ZNF516: variants seen among roughly 807,000 people sequenced by gnomAD.
The protein encoded by ZNF516 is zinc finger protein 516.
ZNF516 carries 19 observed loss-of-function variants against 79.7 expected under a neutral mutation model. The observed-to-expected ratio is 0.24, with a 90% CI of 0.17 to 0.35. The LOEUF (loss-of-function observed/expected upper bound fraction) is 0.35, where lower values mean the gene tolerates loss of function less well. Ranked by LOEUF, ZNF516 falls within the 10% of genes least tolerant of loss-of-function variation. ZNF516 has a pLI of 1.00. For missense variants in ZNF516, 1,678 were observed against 1,679.5 expected (o/e 1.00, Z 0.02); for synonymous variants, 877 against 739.5 (o/e 1.19, Z -3.02).
chr18:76,462,513 G>A lies in ZNF516; in HGVS notation c.-158+515C>T, dbSNP rs1220418373. Among the ~76,000 whole-genome samples, 4 of 152,214 alleles carry A rather than the reference G, an allele frequency of 2.6e-5. No homozygotes were observed. The East Asian group carries it at 5.8e-4, about 22-fold the overall frequency. ...AACCGAAACCTGCCCCCGTGCGGAC[G>A]CAGATGAAGCCTGCACCACACAATT... On this transcript the variant is annotated intron_variant, in intron 2 of 6. Coordinates refer to ENST00000443185, the MANE Select transcript of ZNF516 (RefSeq NM_014643.4).
At chr18:76,404,802 T>A (rs1280260123) in intron 3 of ZNF516, among the ~76,000 whole-genome samples, 1 of 151,858 alleles carries the variant, frequency 6.6e-6, no homozygotes, top group African/African-American at 2.4e-5. Flanking sequence ...TATGTGTGCA[T>A]GTTAGCATGT....
chr18:76,397,065 G>A (rs540325498), intron 3 of ZNF516, among the ~76,000 whole-genome samples: 12 of 152,190 alleles, frequency 7.9e-5, no homozygotes, highest in Non-Finnish European at 1.6e-4. Flanking sequence ...AAAGCCGGGG[G>A]ACACATAATT....
At chr18:76,383,837 C>T (rs2074934659) in intron 3 of ZNF516, among the ~76,000 whole-genome samples, 2 of 152,234 alleles carry the variant, frequency 1.3e-5, no homozygotes, top group Non-Finnish European at 2.9e-5. Context: ...CAGACGGCTT[C>T]GCCCCTCGTC....
At chr18:76,370,469 G>C in intron 6 of ZNF516, 59 bp downstream of exon 6, 1 of 1,471,066 alleles carries the variant, frequency 6.8e-7, no homozygotes, top group Non-Finnish European at 9.3e-7. Flanking sequence ...GAGCATCATG[G>C]TGCACCTTTC....
At chr18:76,381,586 A>T (rs1461537371) in intron 3 of ZNF516, among the ~76,000 whole-genome samples, 1 of 152,234 alleles carries the variant, frequency 6.6e-6, no homozygotes, top group Non-Finnish European at 1.5e-5. Flanking sequence ...TAACAAATCC[A>T]TTCCAAGGGG....
chr18:76,488,540 G>GAGGGAC (rs1914970372), intron 1 of ZNF516, among the ~76,000 whole-genome samples: 2 of 142,256 alleles, frequency 1.4e-5, no homozygotes, highest in South Asian at 4.8e-4. Context: ...GGGGGAGGGG[G>GAGGGAC]AGGGACAGCA....
rs540797014 is a variant in ZNF516 at position 76,370,841 on chromosome 18, GGTGT to G, written c.3365-250_3365-247del. 4.6e-5 allele frequency among the ~76,000 whole-genome samples: 7 copies of G among 152,120 alleles called. No individual in the cohort carries two copies. The East Asian group carries it at 1.3e-3, about 29-fold the overall frequency. ...GCAATCACTGACAACATTAATTATC[GGTGT>G]GTGTGTAAGGGACCCTCTTCTTGCA... On this transcript the variant is annotated intron_variant, in intron 5 of 6. Transcript: ENST00000443185.
chr18:76,371,370 T>G, intron 5 of ZNF516, 97 bp downstream of exon 5: 1 of 1,263,202 alleles, frequency 7.9e-7, no homozygotes, highest in Non-Finnish European at 1.1e-6. Flanking sequence ...GGGGCTGAAA[T>G]CTCAGTATCT....
chr18:76,444,759 G>A (rs1374197870), intron 2 of ZNF516, among the ~76,000 whole-genome samples: 1 of 152,228 alleles, frequency 6.6e-6, no homozygotes, highest in Non-Finnish European at 1.5e-5. Flanking sequence ...GGGGGTCGGG[G>A]ATTCTGAGCA....
chr18:76,450,147 G>C (rs11874070), intron 2 of ZNF516, among the ~76,000 whole-genome samples: 3,875 of 123,514 alleles, frequency 0.031, 192 homozygotes, highest in African/African-American at 0.11. Context: ...CGGAGAGAAG[G>C]CAAATGTACC....
At chr18:76,374,871 C>T (rs11663552) in intron 4 of ZNF516, among the ~76,000 whole-genome samples, 22,908 of 152,144 alleles carry the variant, frequency 0.15, 1,987 homozygotes, top group Non-Finnish European at 0.2. Flanking sequence ...GACCAGAAAG[C>T]AGAGATACAC....
intron 1 of ZNF516, among the ~76,000 whole-genome samples, chr18:76,484,201 C>T (rs554166434): frequency 7.2e-5 from 11 of 152,208 alleles, no homozygotes; most frequent in Admixed American, 6.5e-5. Flanking sequence ...AATCAGGACG[C>T]CTGGATTTGA....
Position 76,442,529 on chromosome 18 carries a change from A to G in ZNF516, c.526T>C (p.Cys176Arg). 1.2e-6 allele frequency: 2 copies of G among 1,600,318 alleles called. No individual in the cohort carries two copies. The highest frequency in any genetic ancestry group is 1.7e-6 in the Non-Finnish European group (2 of 1,179,530). ...TCGAACTGGCTCTTGCAGAAGGAGC[A>G]CTGGACCGCTGCCTTGGCCTCCCCC... The part of the protein sequence containing the change: ...APGEAKAAVQ[C>R]SFCKSQFERK... The change falls in exon 3 of 7, where the codon TGC becomes CGC. Residue 176 changes from cysteine to arginine, a missense_variant. Transcript: ENST00000443185.
In ZNF516 at chr18:76,434,458, A is replaced by G. The variant is rs147948506; in HGVS notation, c.1810+6787T>C. ...AAAAGGCTGAAAACTGTTCCATCCA[A>G]TAAGAATCTGTAAACGCATCCACTG... On this transcript the variant is annotated intron_variant, in intron 3 of 6. Coordinates refer to ENST00000443185, the MANE Select transcript of ZNF516 (RefSeq NM_014643.4). Among the ~76,000 whole-genome samples the G allele has an allele frequency of 1.8e-3, 268 of 152,350 alleles. 3 individuals carry two copies. The highest frequency in any genetic ancestry group is 5.6e-3 in the African/African-American group (234 of 41,584).
intron 3 of ZNF516, among the ~76,000 whole-genome samples, chr18:76,410,723 G>A (rs191893305): frequency 2.0e-5 from 3 of 152,282 alleles, no homozygotes; most frequent in Admixed American, 1.3e-4. Context: ...CTTGAGAGTC[G>A]GCTGGAGGAG....
rs373540251 is a variant in ZNF516 at position 76,360,646 on chromosome 18, A to AAAATATATAT, written c.*1851_*1852insATATATATTT. On this transcript the variant is annotated 3_prime_UTR_variant, in exon 7 of 7. Coordinates refer to ENST00000443185, the MANE Select transcript of ZNF516 (RefSeq NM_014643.4). ...AAAAAAATAAGTAAAAAAAAAAAAA[A>AAAATATATAT]ATATATATATATATATATATATATA... is the stretch of plus-strand genomic sequence containing the variant. 76 of 72,448 alleles carry AAAATATATAT rather than the reference A, an allele frequency of 1.0e-3. 1 individual carries two copies. The highest frequency in any genetic ancestry group is 1.6e-3 in the Non-Finnish European group (59 of 36,916). 4.5% of individuals were successfully genotyped at this position (72,448 alleles called of 1,614,324 possible). A position where few individuals can be genotyped will look rare whatever the true frequency, so the allele number is the denominator to read the frequency against.
At chr18:76,401,398 A>G (rs2075219036) in intron 3 of ZNF516, among the ~76,000 whole-genome samples, 1 of 152,178 alleles carries the variant, frequency 6.6e-6, no homozygotes. Context: ...GTTACAAAAT[A>G]ATATCTCTGC....
chr18:76,364,145 C>A (rs1347127024), intron 6 of ZNF516, among the ~76,000 whole-genome samples: 1 of 152,218 alleles, frequency 6.6e-6, no homozygotes, highest in African/African-American at 2.4e-5. Flanking sequence ...GGAAGCACTG[C>A]AAAGTCGGGA....
chr18:76,417,199 C>T (rs982835226), intron 3 of ZNF516, among the ~76,000 whole-genome samples: 2 of 152,164 alleles, frequency 1.3e-5, no homozygotes, highest in African/African-American at 4.8e-5. Context: ...CATCTGGTCC[C>T]TTATTCTCAA....
Sources: gnomAD v4.1 joint callset for allele counts (sites outside exome capture counted in the v4.1 genomes callset) on GRCh38, gnomAD v4.1.1 for gene constraint, MANE v1.5 for transcripts, NCBI Gene and HGNC (gene_info 2026-07-23, HGNC 2026-07-21) for gene names.